The following CFAP20DC variants were observed in gnomAD, a reference collection of about 807,000 sequenced individuals.
The protein encoded by CFAP20DC is protein CFAP20DC.
A neutral mutation model predicts 101.7 loss-of-function variants in CFAP20DC; 84 were observed. The ratio of observed to expected loss-of-function variants is 0.83; its 90% CI spans 0.69 to 0.99. The LOEUF (loss-of-function observed/expected upper bound fraction) is 0.99. Among genes scored for constraint, CFAP20DC ranks in the 50% least tolerant of loss-of-function variants. CFAP20DC has a pLI of 0.00. For missense variants in CFAP20DC, 1,007 were observed against 970.3 expected (o/e 1.04, Z -0.50); for synonymous variants, 359 against 351.2 (o/e 1.02, Z -0.25).
intron 12 of CFAP20DC, among the ~76,000 whole-genome samples, chr3:58,853,538 G>C (rs1164968517): frequency 2.0e-5 from 3 of 151,932 alleles, no homozygotes; most frequent in Non-Finnish European, 4.4e-5. Context: ...CCAAAAAAGA[G>C]AATTTTAGAC....
intron 4 of CFAP20DC, among the ~76,000 whole-genome samples, chr3:58,997,475 T>C (rs1023239762): frequency 1.3e-5 from 2 of 152,196 alleles, no homozygotes; most frequent in East Asian, 1.9e-4. Context: ...CACTCCTAGA[T>C]TGTTAGCTTC....
chr3:58,960,151 C>G (rs1221231334), intron 4 of CFAP20DC, among the ~76,000 whole-genome samples: 8 of 152,208 alleles, frequency 5.3e-5, no homozygotes, highest in Middle Eastern at 3.4e-3. Flanking sequence ...TTTGTGTCTC[C>G]TCTCTTATTT....
At chr3:58,814,845 A>G (rs947380094) in intron 14 of CFAP20DC, among the ~76,000 whole-genome samples, 1 of 150,862 alleles carries the variant, frequency 6.6e-6, no homozygotes, top group African/African-American at 2.5e-5. Flanking sequence ...CCACTGCTCA[A>G]GGAAATAAAA....
At chr3:58,997,376 C>G (rs2093168706) in intron 4 of CFAP20DC, among the ~76,000 whole-genome samples, 1 of 152,106 alleles carries the variant, frequency 6.6e-6, no homozygotes, top group African/African-American at 2.4e-5. Flanking sequence ...ATGCTCTTAC[C>G]ACTTCACTAT....
chr3:58,800,739 CAGATTT>C (rs2073628289), intron 15 of CFAP20DC, among the ~76,000 whole-genome samples: 1 of 152,066 alleles, frequency 6.6e-6, no homozygotes, highest in Non-Finnish European at 1.5e-5. Context: ...GCATGAAAAT[CAGATTT>C]AAACTCTGTC....
chr3:58,891,107 C>G (rs1207505170), intron 6 of CFAP20DC, among the ~76,000 whole-genome samples: 1 of 150,664 alleles, frequency 6.6e-6, no homozygotes, highest in Non-Finnish European at 1.5e-5. Context: ...GAGCCGAGAT[C>G]ACGCCACTGC....
intron 4 of CFAP20DC, among the ~76,000 whole-genome samples, chr3:59,035,851 C>T (rs2094091505): frequency 6.6e-6 from 1 of 152,162 alleles, no homozygotes; most frequent in South Asian, 2.1e-4. Context: ...TTTTATGAGG[C>T]CAGCATCATC....
intron 11 of CFAP20DC, among the ~76,000 whole-genome samples, chr3:58,866,163 G>C (rs2079668928): frequency 6.6e-6 from 1 of 151,894 alleles, no homozygotes; most frequent in Admixed American, 6.6e-5. Context: ...TTTTTCCCTT[G>C]CTCAAAAACA....
chr3:58,817,367 A>T (rs2107859252), intron 14 of CFAP20DC, among the ~76,000 whole-genome samples: 3 of 152,092 alleles, frequency 2.0e-5, no homozygotes, highest in Middle Eastern at 6.8e-3. Flanking sequence ...ATTCAAACCA[A>T]AGGCAAAGAA....
chr3:58,742,444 G>A lies in CFAP20DC; in HGVS notation c.*16C>T. The A allele has an allele frequency of 6.3e-7, 1 of 1,583,020 alleles. No individual in the cohort carries two copies. The highest frequency in any genetic ancestry group is 8.6e-7 in the Non-Finnish European group (1 of 1,164,396). On this transcript the variant is annotated 3_prime_UTR_variant, in exon 17 of 17. Coordinates refer to ENST00000482387, the MANE Select transcript of CFAP20DC (RefSeq NM_001394063.1). Reference sequence around the variant, plus strand: ...CTCCAGCTGGGAGTGCCTGCTCTCTGCCCCGGAAGGAGGCATTATACCAAC... The same window carrying A: ...CTCCAGCTGGGAGTGCCTGCTCTCTACCCCGGAAGGAGGCATTATACCAAC...
rs536523520 is a variant in CFAP20DC at position 58,806,154 on chromosome 3, C to T, written c.2237+241G>A. ...TGAAGTAATTCTTATGCCTGAATTA[C>T]ATGGAGTCAAATGACTTACCCAAAA... On this transcript the variant is annotated intron_variant, in intron 15 of 16. Transcript: ENST00000482387. 3.0e-3 allele frequency among the ~76,000 whole-genome samples: 462 copies of T among 152,276 alleles called. 6 individuals carry two copies. The highest frequency in any genetic ancestry group is 0.011 in the African/African-American group (443 of 41,548).
intron 3 of CFAP20DC, among the ~76,000 whole-genome samples, chr3:59,040,765 C>T (rs1479375499): frequency 1.3e-5 from 2 of 151,970 alleles, no homozygotes; most frequent in Non-Finnish European, 2.9e-5. Flanking sequence ...TATAACAGTT[C>T]CTATGTTTTA....
At chr3:58,842,934 A>G (rs2077273305) in intron 13 of CFAP20DC, among the ~76,000 whole-genome samples, 1 of 152,190 alleles carries the variant, frequency 6.6e-6, no homozygotes, top group Admixed American at 6.5e-5. Flanking sequence ...GTATTCCAAC[A>G]GACCTGCAGC....
chr3:59,047,705 G>C (rs1306677916), intron 1 of CFAP20DC, among the ~76,000 whole-genome samples: 1 of 152,078 alleles, frequency 6.6e-6, no homozygotes, highest in African/African-American at 2.4e-5. Flanking sequence ...CTCCAACACT[G>C]GCTTTTTAAC....
In CFAP20DC at chr3:58,864,142, A is replaced by G. The variant is rs1430570849; in HGVS notation, c.1259-250T>C. 6.6e-6 allele frequency among the ~76,000 whole-genome samples: 1 copy of G among 152,078 alleles called. No homozygotes were observed. The highest frequency in any genetic ancestry group is 2.4e-5 in the African/African-American group (1 of 41,420). ...CCCGGCTAATTTTTGTATTTTTAGTAGAGATGGGGTTTCACCATGTTGGTC... is the reference window on the plus strand; with the variant it reads ...CCCGGCTAATTTTTGTATTTTTAGTGGAGATGGGGTTTCACCATGTTGGTC... On this transcript the variant is annotated intron_variant, in intron 11 of 16. Coordinates refer to ENST00000482387, the MANE Select transcript of CFAP20DC (RefSeq NM_001394063.1). This position sits in a 1 kb window ranked among gnomAD's most constrained non-coding sequence, Gnocchi z 4.7.
chr3:58,913,525 C>T lies in CFAP20DC; in HGVS notation c.550+183G>A. On this transcript the variant is annotated intron_variant, in intron 6 of 16. Transcript: ENST00000482387. The surrounding 1 kb of genome is among the most constrained non-coding windows in gnomAD (Gnocchi z 4.4). ...AAGAAGATTAATACCTTTTTTGTGACATTCAGCTATAGTAAAAATAAACAT... is the reference window on the plus strand; with the variant it reads ...AAGAAGATTAATACCTTTTTTGTGATATTCAGCTATAGTAAAAATAAACAT... 6.3e-6 allele frequency: 4 copies of T among 633,526 alleles called. No homozygotes were observed. The highest frequency in any genetic ancestry group is 2.9e-5 in the Admixed American group (1 of 34,782). 39.2% of individuals were successfully genotyped at this position (633,526 alleles called of 1,614,324 possible). A position where few individuals can be genotyped will look rare whatever the true frequency, so the allele number is the denominator to read the frequency against.
intron 6 of CFAP20DC, among the ~76,000 whole-genome samples, chr3:58,886,771 TA>T (rs1157572414): frequency 6.6e-6 from 1 of 151,964 alleles, no homozygotes; most frequent in African/African-American, 2.4e-5. Context: ...TGAAAGGAAA[TA>T]TACCAAATGA....
At position 58,868,048 on chromosome 3, in the gene CFAP20DC, CAT is replaced by C. The variant is rs1201017769; in HGVS notation, c.1016-114_1016-113del. The C allele has an allele frequency of 4.9e-6, 6 of 1,231,938 alleles. No individual in the cohort carries two copies. The highest frequency in any genetic ancestry group is 5.4e-6 in the Non-Finnish European group (5 of 918,396). 76.3% of individuals were successfully genotyped at this position (1,231,938 alleles called of 1,614,324 possible). ...TGAGAATATTCATGTATAATTTTGA[CAT>C]AATGTGAAGATACATCAAAAATACA... On this transcript the variant is annotated intron_variant, in intron 9 of 16. Transcript: ENST00000482387. The surrounding 1 kb of genome is among the most constrained non-coding windows in gnomAD (Gnocchi z 4.6).
At position 58,799,228 on chromosome 3, in the gene CFAP20DC, C is replaced by T. The variant is rs550055625; in HGVS notation, c.2237+7167G>A. Reference sequence around the variant, plus strand: ...AGTGGTACTCTGACTCCATAAAATACGTGTGAATAGGCCCATACAAATAAG... The same window carrying T: ...AGTGGTACTCTGACTCCATAAAATATGTGTGAATAGGCCCATACAAATAAG... On this transcript the variant is annotated intron_variant, in intron 15 of 16. Coordinates refer to ENST00000482387, the MANE Select transcript of CFAP20DC (RefSeq NM_001394063.1). This position sits in a 1 kb window ranked among gnomAD's most constrained non-coding sequence, Gnocchi z 4.9. 1.2e-4 allele frequency among the ~76,000 whole-genome samples: 19 copies of T among 152,132 alleles called. No homozygotes were observed. The East Asian group carries it at 1.5e-3, about 12-fold the overall frequency.
Sources: allele counts gnomAD v4.1 joint callset (sites outside exome capture counted in the v4.1 genomes callset), GRCh38; gene constraint gnomAD v4.1.1; non-coding constraint Gnocchi (gnomAD v3.1); transcripts MANE v1.5; gene names NCBI Gene and HGNC (gene_info 2026-07-23, HGNC 2026-07-21).